Variants in TXNDC16 observed in about 807,000 individuals in gnomAD.
TXNDC16 encodes thioredoxin domain-containing protein 16.
In TXNDC16, 74 loss-of-function variants were observed where a neutral mutation model predicts 85.6. The ratio of observed to expected loss-of-function variants is 0.86; its 90% CI spans 0.72 to 1.05. The LOEUF is 1.05. TXNDC16 is among the 50% of genes least tolerant of loss of function. The pLI, the probability that TXNDC16 is intolerant of heterozygous loss-of-function variation, is 0.00. For synonymous variants in TXNDC16, 335 were observed against 326.5 expected, an observed-to-expected ratio of 1.03 and a Z score of -0.28; for missense variants, 959 against 947.0, an observed-to-expected ratio of 1.01 and a Z score of -0.17.
At chr14:52,521,783 G>C (rs1041451592) in intron 6 of TXNDC16, among the ~76,000 whole-genome samples, 1 of 152,188 alleles carries the variant, frequency 6.6e-6, no homozygotes, top group Middle Eastern at 3.4e-3. Flanking sequence ...CTATGTGCTA[G>C]GTATTTTCAG....
chr14:52,506,572 C>A (rs571385367), intron 9 of TXNDC16, among the ~76,000 whole-genome samples: 1 of 97,762 alleles, frequency 1.0e-5, no homozygotes, highest in Non-Finnish European at 1.8e-5. Context: ...TTTTTTGAGA[C>A]GGAGTCTCGC....
chr14:52,465,023 T>A (rs2035739147), intron 16 of TXNDC16, among the ~76,000 whole-genome samples: 1 of 152,212 alleles, frequency 6.6e-6, no homozygotes, highest in Non-Finnish European at 1.5e-5. Context: ...ATATTAATAT[T>A]CTTATTATTT....
At chr14:52,515,706 T>C in intron 7 of TXNDC16, among the ~76,000 whole-genome samples, 1 of 144,806 alleles carries the variant, frequency 6.9e-6, no homozygotes, top group African/African-American at 2.6e-5. Context: ...TGTGTGTGTG[T>C]GTGTATCATA....
At chr14:52,504,097 G>A (rs1342917284) in intron 9 of TXNDC16, among the ~76,000 whole-genome samples, 1 of 152,154 alleles carries the variant, frequency 6.6e-6, no homozygotes, top group East Asian at 1.9e-4. Context: ...CGTCTGACTG[G>A]TATACCTGAA....
chr14:52,471,359 C>T (rs866406859), intron 14 of TXNDC16, among the ~76,000 whole-genome samples: 6 of 152,174 alleles, frequency 3.9e-5, no homozygotes, highest in African/African-American at 1.4e-4. Flanking sequence ...TTCTAATTCG[C>T]CTCTTTGAAT....
In TXNDC16 at chr14:52,537,597, A is replaced by C; in HGVS notation, c.317+2T>G. 1 of 1,571,188 alleles carries C rather than the reference A, an allele frequency of 6.4e-7. No homozygotes were observed. Among genetic ancestry groups the C allele is most frequent in the African/African-American group, 1.3e-5 (1 of 74,264 alleles). On this transcript the variant is annotated splice_donor_variant, in intron 5 of 20. Transcript: ENST00000281741. LOFTEE classifies it high-confidence loss of function. ...TCCAGCACACTCAGGAAAATAGCTT[A>C]CTTGAATAAATATGCTTTCATCAAA...
intron 17 of TXNDC16, among the ~76,000 whole-genome samples, chr14:52,455,665 C>T (rs1312429618): frequency 6.6e-6 from 1 of 152,066 alleles, no homozygotes; most frequent in Non-Finnish European, 1.5e-5. Flanking sequence ...CTATAACAAA[C>T]TAGATTTTTA....
chr14:52,439,415 A>ATTGTTCATATTAATTGTTCAAATGTT, intron 19 of TXNDC16, 21 bp from the exon 20 acceptor site: 1 of 1,586,428 alleles, frequency 6.3e-7, no homozygotes, highest in Non-Finnish European at 8.6e-7. Context: ...GAACAATTGA[A>ATTGTTCATATTAATTGTTCAAATGTT]CATATTAATA....
intron 16 of TXNDC16, among the ~76,000 whole-genome samples, chr14:52,464,664 G>A (rs188314234): frequency 6.6e-6 from 1 of 152,212 alleles, no homozygotes; most frequent in East Asian, 1.9e-4. Flanking sequence ...AGGTGCGGTG[G>A]CTCACGCCTA....
rs536812572 is a variant in TXNDC16 at position 52,536,794 on chromosome 14, C to A, written c.318-1G>T. The A allele has an allele frequency of 1.9e-6, 3 of 1,603,414 alleles. No homozygotes were observed. Among genetic ancestry groups the A allele is most frequent in the East Asian group, 4.5e-5 (2 of 44,464 alleles). ...GAATTCTCTGAGCAATATGTTGCCCCTATAAAAAGTTTAAAAACATATTAA... is the reference window on the plus strand; with the variant it reads ...GAATTCTCTGAGCAATATGTTGCCCATATAAAAAGTTTAAAAACATATTAA... On this transcript the variant is annotated splice_acceptor_variant, in intron 5 of 20. Coordinates refer to ENST00000281741, the MANE Select transcript of TXNDC16 (RefSeq NM_020784.3). LOFTEE classifies it high-confidence loss of function.
intron 13 of TXNDC16, among the ~76,000 whole-genome samples, chr14:52,482,511 T>A (rs1293537265): frequency 6.6e-6 from 1 of 152,140 alleles, no homozygotes; most frequent in African/African-American, 2.4e-5. Flanking sequence ...ATGGCTATGA[T>A]TTGAAGATAA....
chr14:52,470,627 A>G lies in TXNDC16; in HGVS notation c.1366T>C (p.Cys456Arg). The G allele has an allele frequency of 6.2e-7, 1 of 1,613,990 alleles. No homozygotes were observed. Among genetic ancestry groups the G allele is most frequent in the Non-Finnish European group, 8.5e-7 (1 of 1,179,940 alleles). Residue 456 changes from cysteine to arginine, a missense_variant, in exon 15 of 21, where the codon TGT becomes CGT. Coordinates refer to ENST00000281741, the MANE Select transcript of TXNDC16 (RefSeq NM_020784.3). Reference protein sequence around the residue: ...RINCADWSDVCTKQNVTEFPI... With the variant: ...RINCADWSDVRTKQNVTEFPI... ...AATTCAGTAACATTTTGCTTAGTAC[A>G]TACATCAGACCAATCTGCACAGTTT...
intron 1 of TXNDC16, among the ~76,000 whole-genome samples, chr14:52,551,227 T>G (rs191680564): frequency 1.3e-5 from 2 of 150,298 alleles, no homozygotes; most frequent in African/African-American, 4.9e-5. Flanking sequence ...AATACTTAGC[T>G]AGGAAAAAAG....
intron 6 of TXNDC16, among the ~76,000 whole-genome samples, chr14:52,532,937 G>A (rs146011534): frequency 1.1e-4 from 17 of 152,254 alleles, no homozygotes; most frequent in African/African-American, 4.1e-4. Context: ...TGTAAATATC[G>A]TTACTGGGAA....
intron 20 of TXNDC16, among the ~76,000 whole-genome samples, chr14:52,436,465 G>A (rs1304415838): frequency 6.6e-6 from 1 of 152,048 alleles, no homozygotes; most frequent in Non-Finnish European, 1.5e-5. Flanking sequence ...TTTCTTTTTG[G>A]GGTGATGAAA....
intron 1 of TXNDC16, among the ~76,000 whole-genome samples, chr14:52,547,596 A>T (rs1246221625): frequency 6.6e-6 from 1 of 152,212 alleles, no homozygotes; most frequent in Non-Finnish European, 1.5e-5. Context: ...AACTGCCTAG[A>T]GAGATTTCAA....
At chr14:52,546,749 T>C (rs561626508) in intron 1 of TXNDC16, among the ~76,000 whole-genome samples, 35 of 152,332 alleles carry the variant, frequency 2.3e-4, no homozygotes, top group Admixed American at 5.2e-4. Context: ...CAGCATAAAC[T>C]ATTTTCTCTT....
At chr14:52,438,725 A>G (rs891859326) in intron 20 of TXNDC16, among the ~76,000 whole-genome samples, 2 of 152,210 alleles carry the variant, frequency 1.3e-5, no homozygotes, top group Non-Finnish European at 2.9e-5. Flanking sequence ...TTATATAACA[A>G]TAATGCACTA....
intron 9 of TXNDC16, among the ~76,000 whole-genome samples, chr14:52,503,865 C>T (rs970216868): frequency 3.3e-5 from 5 of 152,160 alleles, no homozygotes; most frequent in Non-Finnish European, 5.9e-5. Flanking sequence ...ATAACCAATG[C>T]AGAGAAGTCC....
Sources: gnomAD v4.1 joint callset for allele counts (sites outside exome capture counted in the v4.1 genomes callset) on GRCh38, gnomAD v4.1.1 for gene constraint, MANE v1.5 for transcripts, NCBI Gene and HGNC (gene_info 2026-07-23, HGNC 2026-07-21) for gene names.